The following MTMR7 variants were observed in gnomAD, a reference collection of about 807,000 sequenced individuals.
The protein encoded by MTMR7 is phosphatidylinositol-3-phosphate phosphatase MTMR7.
A neutral mutation model predicts 81.2 loss-of-function variants in MTMR7; 76 were observed. That is an observed-to-expected ratio of 0.94 (90% CI 0.78 to 1.13). The LOEUF (loss-of-function observed/expected upper bound fraction) is 1.13, where lower values mean the gene tolerates loss of function less well. Ranked by LOEUF, MTMR7 falls within the 50% of genes most tolerant of loss-of-function variation. The pLI is 0.00. For missense variants in MTMR7, 1,044 were observed against 820.0 expected (o/e 1.27, Z -3.34); for synonymous variants, 372 against 289.8 (o/e 1.28, Z -2.88).
rs763061650 is a variant in MTMR7, at chr8:17,341,443, C to T, written c.652G>A (p.Glu218Lys). Residue 218 changes from glutamate (E) to lysine (K), a missense_variant, in exon 6 of 14, where the codon GAG becomes AAG. Coordinates refer to ENST00000180173, the MANE Select transcript of MTMR7 (RefSeq NM_004686.5). ...ATGGCCTGGAGCATCTGCTCGTCCT[C>T]TAGGCACCGGGCACTGAAGCCGGAC... ...PLSGFSARCL[E>K]DEQMLQAIRK... The T allele has an allele frequency of 1.9e-6, 3 of 1,614,164 alleles. No individual in the cohort carries two copies. Among genetic ancestry groups the T allele is most frequent in the Non-Finnish European group, 1.7e-6 (2 of 1,180,026 alleles).
chr8:17,363,041 A>G (rs1280632600), intron 3 of MTMR7, among the ~76,000 whole-genome samples: 2 of 152,244 alleles, frequency 1.3e-5, no homozygotes, highest in Admixed American at 1.3e-4. Context: ...TTCAAAACTT[A>G]GAGTACGGAC....
intron 6 of MTMR7, among the ~76,000 whole-genome samples, chr8:17,332,340 C>T (rs1334654080): frequency 3.3e-5 from 5 of 152,076 alleles, no homozygotes; most frequent in Non-Finnish European, 7.4e-5. Context: ...AAAAGTCTGA[C>T]AAAATTAAAA....
chr8:17,313,273 T>G lies in MTMR7; in HGVS notation c.975+19A>C. 6.4e-7 allele frequency: 1 copy of G among 1,571,316 alleles called. No individual in the cohort carries two copies. Among genetic ancestry groups the G allele is most frequent in the Non-Finnish European group, 8.7e-7 (1 of 1,143,564 alleles). On this transcript the variant is annotated intron_variant, in intron 8 of 13. Coordinates refer to ENST00000180173, the MANE Select transcript of MTMR7 (RefSeq NM_004686.5). ...TTTGCTCATCTGTCCCTTAATTTAT[T>G]TTCTCTGCAATTGCATACCTTTGCA...
At chr8:17,383,608 C>T (rs1222445214) in intron 1 of MTMR7, among the ~76,000 whole-genome samples, 1 of 152,260 alleles carries the variant, frequency 6.6e-6, no homozygotes, top group Non-Finnish European at 1.5e-5. Context: ...GCTCAACAGT[C>T]TCTCCTCCAT....
chr8:17,360,000 T>C (rs1328851195), intron 4 of MTMR7, among the ~76,000 whole-genome samples: 1 of 152,170 alleles, frequency 6.6e-6, no homozygotes, highest in Non-Finnish European at 1.5e-5. Context: ...ACCAGGATGT[T>C]CTCCATTATT....
At chr8:17,355,302 T>G (rs1461970158) in intron 4 of MTMR7, among the ~76,000 whole-genome samples, 1 of 152,212 alleles carries the variant, frequency 6.6e-6, no homozygotes, top group Non-Finnish European at 1.5e-5. Context: ...CAAATTAGTC[T>G]GATTACATGA....
At position 17,361,270 on chromosome 8, in the gene MTMR7, T is replaced by C. The variant is rs1820051142; in HGVS notation, c.315A>G (p.Lys105=). 4 of 1,614,142 alleles carry C rather than the reference T, an allele frequency of 2.5e-6. No homozygotes were observed. Among genetic ancestry groups the C allele is most frequent in the South Asian group, 1.1e-5 (1 of 91,084 alleles). Residue 105 remains lysine (K), a synonymous_variant, in exon 4 of 14, where the codon AAA becomes AAG. Coordinates refer to ENST00000180173, the MANE Select transcript of MTMR7 (RefSeq NM_004686.5). ...ATGAAAAGCAGTATAACTCCTCATA[T>C]TTCACTGCAAGAAAAGGTAGGATAA... ...ISLIRLARPV[K]YEELYCFSFN... is the part of the protein sequence containing the mutation.
At chr8:17,397,626 T>C in intron 1 of MTMR7, among the ~76,000 whole-genome samples, 1 of 152,204 alleles carries the variant, frequency 6.6e-6, no homozygotes, top group Non-Finnish European at 1.5e-5. Context: ...TCTCTGGACC[T>C]GCCCAGGGCC....
intron 3 of MTMR7, 23 bp from the exon 4 acceptor site, chr8:17,361,297 G>C: frequency 6.2e-7 from 1 of 1,613,656 alleles, no homozygotes; most frequent in Non-Finnish European, 8.5e-7. Flanking sequence ...GTAGGATAAA[G>C]TTAAATCAAG....
chr8:17,309,015 G>A (rs1817641403), intron 10 of MTMR7, among the ~76,000 whole-genome samples: 1 of 152,214 alleles, frequency 6.6e-6, no homozygotes, highest in African/African-American at 2.4e-5. Context: ...AGGGAAGGCT[G>A]ATCCTCACTA....
In MTMR7 at chr8:17,413,286, G is replaced by T. The variant is rs1485919344; in HGVS notation, c.7C>A (p.His3Asn). 1 of 1,546,658 alleles carries T rather than the reference G, an allele frequency of 6.5e-7. No homozygotes were observed. Among genetic ancestry groups the T allele is most frequent in the South Asian group, 1.2e-5 (1 of 83,888 alleles). ME[H>N]IRTPKVENVR... ...TCACCAACCTTGGGCGTACGGATGT[G>T]CTCCATGGCTGGCCCACGTCTGCAG... The change falls in exon 1 of 14, where the codon CAC becomes AAC. Residue 3 changes from histidine (H) to asparagine (N), a missense_variant. Coordinates refer to ENST00000180173, the MANE Select transcript of MTMR7 (RefSeq NM_004686.5).
intron 1 of MTMR7, among the ~76,000 whole-genome samples, chr8:17,406,216 T>C (rs1821577997): frequency 6.6e-6 from 1 of 152,104 alleles, no homozygotes; most frequent in African/African-American, 2.4e-5. Context: ...AAAGAAAACC[T>C]ACAGAACGGG....
rs1438658097 is a variant in MTMR7 at position 17,297,222 on chromosome 8, C to G, written c.*2640G>C. The G allele has an allele frequency of 6.6e-6, 1 of 152,002 alleles. No homozygotes were observed. The highest frequency in any genetic ancestry group is 2.4e-5 in the African/African-American group (1 of 41,394). The allele number at this position is 152,002 out of a possible 1,614,324, so 9.4% of individuals were successfully genotyped here. A position where few individuals can be genotyped will look rare whatever the true frequency, so the allele number is the denominator to read the frequency against. On this transcript the variant is annotated 3_prime_UTR_variant, in exon 14 of 14. Coordinates refer to ENST00000180173, the MANE Select transcript of MTMR7 (RefSeq NM_004686.5). ...TAGGCTAATCAGTGTACGAATTTGT[C>G]ATAGGTAGAGATTTAAAGGTTAATA...
chr8:17,340,695 T>A lies in MTMR7; in HGVS notation c.732+668A>T, dbSNP rs549953767. Among the ~76,000 whole-genome samples the A allele has an allele frequency of 1.1e-4, 16 of 151,718 alleles. No individual in the cohort carries two copies. The South Asian group carries it at 3.1e-3, about 30-fold the overall frequency. The stretch of plus-strand genomic sequence containing the variant: ...ATATATTATTTCCTATTCGTTTTCT[T>A]AAATTAGAAAACTAATAAATTAATA... On this transcript the variant is annotated intron_variant, in intron 6 of 13. Coordinates refer to ENST00000180173, the MANE Select transcript of MTMR7 (RefSeq NM_004686.5).
intron 6 of MTMR7, among the ~76,000 whole-genome samples, chr8:17,336,542 G>A (rs1044151140): frequency 3.3e-5 from 5 of 152,100 alleles, no homozygotes; most frequent in South Asian, 2.1e-4. Context: ...AGGACTCAGC[G>A]AGTAGGAACC....
chr8:17,404,059 T>A (rs11203852), intron 1 of MTMR7, among the ~76,000 whole-genome samples: 7,660 of 152,052 alleles, frequency 0.05, 567 homozygotes, highest in African/African-American at 0.15. Flanking sequence ...AGATGCTTTC[T>A]GTGTGAGGAG....
At chr8:17,309,554 A>C (rs1270335056) in intron 9 of MTMR7, among the ~76,000 whole-genome samples, 1 of 152,244 alleles carries the variant, frequency 6.6e-6, no homozygotes, top group Admixed American at 6.5e-5. Context: ...ATAAAAATGC[A>C]GGAACCCCAC....
In MTMR7 at chr8:17,305,744, C is replaced by G. The variant is rs765300243; in HGVS notation, c.1352+13G>C. 12 of 1,595,700 alleles carry G rather than the reference C, an allele frequency of 7.5e-6. No individual in the cohort carries two copies. In the South Asian group the frequency reaches 1.2e-4, roughly 16 times the overall value. ...AAATAAAAGTTAAACACCAAAAACA[C>G]CAAAACACTTACTTGAGTTCTCGTC... On this transcript the variant is annotated intron_variant, in intron 11 of 13. Transcript: ENST00000180173.
chr8:17,362,721 T>G (rs1167500444), intron 3 of MTMR7, among the ~76,000 whole-genome samples: 1 of 152,218 alleles, frequency 6.6e-6, no homozygotes, highest in East Asian at 1.9e-4. Flanking sequence ...ATAGCTTTCC[T>G]AGGTCCTCCT....
Sources: gnomAD v4.1 joint callset for allele counts (sites outside exome capture counted in the v4.1 genomes callset) on GRCh38, gnomAD v4.1.1 for gene constraint, MANE v1.5 for transcripts, NCBI Gene and HGNC (gene_info 2026-07-23, HGNC 2026-07-21) for gene names.